The following RGS6 variants were observed in gnomAD, a reference collection of about 807,000 sequenced individuals.
RGS6 encodes regulator of G-protein signaling 6.
RGS6 carries 30 observed loss-of-function variants against 78.5 expected under a neutral mutation model. The ratio of observed to expected loss-of-function variants is 0.38; its 90% CI spans 0.29 to 0.52. The LOEUF (loss-of-function observed/expected upper bound fraction) is 0.52, where lower values mean the gene tolerates loss of function less well. RGS6 is among the 20% of genes least tolerant of loss of function. The pLI is 0.85. For synonymous variants in RGS6, 206 were observed against 206.0 expected (o/e 1.00, Z 0.00); for missense variants, 495 against 609.7 (o/e 0.81, Z 1.98).
At chr14:71,913,512 C>T in the RGS6 span, among the ~76,000 whole-genome samples, 1 of 152,238 alleles carries the variant, frequency 6.6e-6, no homozygotes, top group African/African-American at 2.4e-5. Context: ...GCTCTCATGT[C>T]CAGTAGTCAT....
At chr14:72,028,219 C>T (rs1333506564) in intron 2 of RGS6, among the ~76,000 whole-genome samples, 3 of 152,210 alleles carry the variant, frequency 2.0e-5, no homozygotes, top group African/African-American at 7.2e-5. Context: ...TCAGGCACAT[C>T]TCCAGACTGC....
intron 13 of RGS6, among the ~76,000 whole-genome samples, chr14:72,504,207 T>C (rs2096766837): frequency 1.3e-5 from 2 of 152,182 alleles, no homozygotes; most frequent in Admixed American, 1.3e-4. Flanking sequence ...AATATACTTA[T>C]CAAACAGTCA....
chr14:72,612,171 G>T, the RGS6 span, among the ~76,000 whole-genome samples: 1 of 152,274 alleles, frequency 6.6e-6, no homozygotes, highest in East Asian at 1.9e-4. Context: ...GCAGATGAGT[G>T]GGGGGCAGCT....
intron 17 of RGS6, among the ~76,000 whole-genome samples, chr14:72,560,033 T>C (rs531789175): frequency 1.3e-5 from 2 of 152,300 alleles, no homozygotes; most frequent in African/African-American, 4.8e-5. Flanking sequence ...GGGCAACTGG[T>C]AAACCTCACC....
At chr14:72,104,767 A>T (rs926420681) in intron 2 of RGS6, among the ~76,000 whole-genome samples, 2 of 152,192 alleles carry the variant, frequency 1.3e-5, no homozygotes, top group African/African-American at 2.4e-5. Context: ...TAGTGCTCTC[A>T]AATTTTACTG....
chr14:72,389,440 A>T (rs765899769), intron 3 of RGS6, among the ~76,000 whole-genome samples: 1 of 152,198 alleles, frequency 6.6e-6, no homozygotes, highest in South Asian at 2.1e-4. Context: ...GGGGTAGGCC[A>T]GGACACACAC....
At chr14:72,361,260 A>T (rs189685385) in intron 3 of RGS6, among the ~76,000 whole-genome samples, 3 of 152,122 alleles carry the variant, frequency 2.0e-5, no homozygotes, top group Non-Finnish European at 4.4e-5. Flanking sequence ...CTCAGGTAGA[A>T]AGTGGACTTA....
chr14:71,962,243 G>A (rs2093252463), intron 1 of RGS6, among the ~76,000 whole-genome samples: 1 of 152,158 alleles, frequency 6.6e-6, no homozygotes, highest in South Asian at 2.1e-4. Context: ...TGGAACATCA[G>A]CCTGTTTTAA....
At chr14:72,059,046 G>A (rs2093760579) in intron 2 of RGS6, among the ~76,000 whole-genome samples, 1 of 152,078 alleles carries the variant, frequency 6.6e-6, no homozygotes, top group African/African-American at 2.4e-5. Flanking sequence ...CGGGACTACA[G>A]GTGCCACCAT....
chr14:72,090,377 A>T (rs935877621), intron 2 of RGS6, among the ~76,000 whole-genome samples: 1 of 152,138 alleles, frequency 6.6e-6, no homozygotes, highest in South Asian at 2.1e-4. Flanking sequence ...AGCTCCGTCC[A>T]CCTCCTGTCA....
At chr14:72,592,432 A>G in the RGS6 span, among the ~76,000 whole-genome samples, 1 of 152,374 alleles carries the variant, frequency 6.6e-6, no homozygotes, top group East Asian at 1.9e-4. Context: ...GACCAAAGGA[A>G]GTGTAACAAG....
At chr14:72,398,262 T>C (rs1257885954) in intron 3 of RGS6, among the ~76,000 whole-genome samples, 1 of 151,948 alleles carries the variant, frequency 6.6e-6, no homozygotes, top group Non-Finnish European at 1.5e-5. Flanking sequence ...ATTCAACTTC[T>C]TCCTGGTTTA....
the RGS6 span, among the ~76,000 whole-genome samples, chr14:71,867,923 C>T: frequency 2.0e-5 from 3 of 152,216 alleles, no homozygotes; most frequent in African/African-American, 2.4e-5. Context: ...AAGATGTGAT[C>T]GCTCCTCTTA....
chr14:71,960,088 A>G (rs563237216), intron 1 of RGS6, among the ~76,000 whole-genome samples: 20 of 152,302 alleles, frequency 1.3e-4, no homozygotes, highest in Admixed American at 1.3e-3. Flanking sequence ...GGCTGGCATT[A>G]TAAAGTAAAC....
At chr14:72,419,224 G>A (rs1326411977) in intron 3 of RGS6, among the ~76,000 whole-genome samples, 3 of 152,260 alleles carry the variant, frequency 2.0e-5, no homozygotes, top group African/African-American at 7.2e-5. Flanking sequence ...AAAGCTAGTA[G>A]CATTTTTTGA....
intron 16 of RGS6, among the ~76,000 whole-genome samples, chr14:72,538,570 TAAG>T (rs1184201095): frequency 3.9e-5 from 6 of 152,158 alleles, no homozygotes; most frequent in Non-Finnish European, 5.9e-5. Context: ...AGCCAGAGGA[TAAG>T]AATAACAGGC....
the RGS6 span, among the ~76,000 whole-genome samples, chr14:72,583,612 A>G: frequency 1.3e-5 from 2 of 152,232 alleles, no homozygotes; most frequent in Admixed American, 1.3e-4. Flanking sequence ...AGGGAGACTG[A>G]TTAAATCACA....
chr14:72,607,930 C>T, the RGS6 span, among the ~76,000 whole-genome samples: 1 of 152,152 alleles, frequency 6.6e-6, no homozygotes, highest in Non-Finnish European at 1.5e-5. Flanking sequence ...AGGCTGAAGG[C>T]GCATGGATGA....
At chr14:72,366,636 C>G (rs1036817584) in intron 3 of RGS6, among the ~76,000 whole-genome samples, 2 of 152,310 alleles carry the variant, frequency 1.3e-5, no homozygotes, top group African/African-American at 4.8e-5. Flanking sequence ...AAGGGTACTT[C>G]AGAGCCACCC....
Sources: gnomAD v4.1 joint callset for allele counts (sites outside exome capture counted in the v4.1 genomes callset) on GRCh38, gnomAD v4.1.1 for gene constraint, MANE v1.5 for transcripts, NCBI Gene and HGNC (gene_info 2026-07-23, HGNC 2026-07-21) for gene names.